The following CCT5 variants were observed in gnomAD, a reference collection of about 807,000 sequenced individuals.
The protein encoded by CCT5 is T-complex protein 1 subunit epsilon.
CCT5 carries 6 observed loss-of-function variants against 55.0 expected under a neutral mutation model. The ratio of observed to expected loss-of-function variants is 0.11; its 90% CI spans 0.06 to 0.22. The LOEUF (loss-of-function observed/expected upper bound fraction) is 0.22. CCT5 is among the 10% of genes least tolerant of loss of function. The probability of loss-of-function intolerance (pLI) is 1.00; values close to 1 mark genes in which losing one functional copy is unlikely to be tolerated. For missense variants in CCT5, 560 were observed against 694.6 expected (o/e 0.81, Z 2.18); for synonymous variants, 231 against 243.7 (o/e 0.95, Z 0.49).
intron 6 of CCT5, among the ~76,000 whole-genome samples, chr5:10,260,530 C>G (rs1745906874): frequency 1.3e-5 from 1 of 79,642 alleles, no homozygotes; most frequent in Admixed American, 1.6e-4. Context: ...CTCACTGTAA[C>G]AATAGGGTTC....
At chr5:10,259,251 T>C (rs1745835245) in intron 6 of CCT5, among the ~76,000 whole-genome samples, 1 of 152,200 alleles carries the variant, frequency 6.6e-6, no homozygotes, top group South Asian at 2.1e-4. Flanking sequence ...TAGGTGTGCT[T>C]TCTCTCTGAC....
At chr5:10,250,591 C>G in intron 1 of CCT5, 146 bp downstream of exon 1, 1 of 1,479,036 alleles carries the variant, frequency 6.8e-7, no homozygotes, top group Admixed American at 2.3e-5. Context: ...TCCGGCCGCT[C>G]AGCCCGCTTA....
chr5:10,262,539 T>C lies in CCT5; in HGVS notation c.1238T>C (p.Ile413Thr), dbSNP rs187490382. The C allele has an allele frequency of 1.9e-6, 3 of 1,614,264 alleles. No individual in the cohort carries two copies. Among genetic ancestry groups the C allele is most frequent in the African/African-American group, 2.7e-5 (2 of 75,080 alleles). ...HDALCVIRNL[I>T]RDNRVVYGGG... is the part of the protein sequence containing the mutation. ...GCTTTGTGTGTCATCCGGAACCTCA[T>C]CCGCGATAATCGTGTGGTGTATGGA... Residue 413 changes from isoleucine (I) to threonine (T), a missense_variant, in exon 9 of 11, where the codon ATC (isoleucine) becomes ACC (threonine). Around this residue, in one of 4 missense-constraint regions of CCT5, gnomAD observed 256 missense variants for 372.4 expected, o/e 0.69. Coordinates refer to ENST00000280326, the MANE Select transcript of CCT5 (RefSeq NM_012073.5).
At chr5:10,254,583 A>T in intron 2 of CCT5, 91 bp from the exon 3 acceptor site, 1 of 1,091,802 alleles carries the variant, frequency 9.2e-7, no homozygotes, top group Non-Finnish European at 1.4e-6. Context: ...TAAATTGCAC[A>T]GATAAGAGCT....
At chr5:10,249,946 T>TCCTA, upstream of CCT5, 2 of 955,400 alleles carry the variant, frequency 2.1e-6, no homozygotes, top group Admixed American at 5.0e-5. Context: ...CGGAAATGGG[T>TCCTA]CCTACCATCT....
intron 6 of CCT5, among the ~76,000 whole-genome samples, chr5:10,259,758 A>G (rs1745863438): frequency 6.6e-6 from 1 of 152,324 alleles, no homozygotes; most frequent in South Asian, 2.1e-4. Context: ...CCGGTGGGAC[A>G]GTTTTCATGA....
At chr5:10,255,084 T>A in intron 3 of CCT5, 1 of 517,660 alleles carries the variant, frequency 1.9e-6, no homozygotes, top group Non-Finnish European at 3.5e-6. Flanking sequence ...CTGATTTTGC[T>A]TGTCTTTTAA....
Position 10,250,459 on chromosome 5 carries a change from G to T in CCT5, c.105+14G>T. ...GAGGCCCTCAAGGTAATGGCACAGG[G>T]ACCTGCTCGCGGTGGGCTAAGGGGA... is the stretch of plus-strand genomic sequence containing the variant. On this transcript the variant is annotated intron_variant, in intron 1 of 10. Coordinates refer to ENST00000280326, the MANE Select transcript of CCT5 (RefSeq NM_012073.5). The T allele has an allele frequency of 6.2e-7, 1 of 1,612,190 alleles. No homozygotes were observed. The highest frequency in any genetic ancestry group is 8.5e-7 in the Non-Finnish European group (1 of 1,179,922).
At chr5:10,257,209 T>C (rs1159073944) in intron 4 of CCT5, among the ~76,000 whole-genome samples, 2 of 152,202 alleles carry the variant, frequency 1.3e-5, no homozygotes, top group Non-Finnish European at 2.9e-5. Flanking sequence ...GAGCAAAGCC[T>C]ATGTTAGAGC....
intron 4 of CCT5, among the ~76,000 whole-genome samples, chr5:10,257,557 A>C (rs1393368858): frequency 6.7e-6 from 1 of 150,116 alleles, no homozygotes; most frequent in Non-Finnish European, 1.5e-5. Flanking sequence ...AAATTAATTT[A>C]TTGAACTGTC....
intron 1 of CCT5, among the ~76,000 whole-genome samples, chr5:10,252,734 A>G (rs1002202439): frequency 7.2e-5 from 11 of 151,988 alleles, no homozygotes; most frequent in African/African-American, 2.7e-4. Flanking sequence ...ATTCTGTTTT[A>G]TCCATAATAT....
chr5:10,262,465 A>T lies in CCT5; in HGVS notation c.1180-16A>T. ...GATCTTGATCACATTAATTCAGGCA[A>T]AGCTGTTTTCCTTAGATCATTGAGG... is the stretch of plus-strand genomic sequence containing the variant. On this transcript the variant is annotated splice_polypyrimidine_tract_variant and intron_variant, in intron 8 of 10. Coordinates refer to ENST00000280326, the MANE Select transcript of CCT5 (RefSeq NM_012073.5). 6.2e-7 allele frequency: 1 copy of T among 1,613,442 alleles called. No individual in the cohort carries two copies. The highest frequency in any genetic ancestry group is 1.1e-5 in the South Asian group (1 of 91,054).
At chr5:10,250,874 T>C (rs981204663) in intron 1 of CCT5, 3 of 1,044,608 alleles carry the variant, frequency 2.9e-6, no homozygotes, top group Admixed American at 5.2e-5. Flanking sequence ...GCCCTTCCGT[T>C]TTCTTTGTCA....
rs79650344 is a variant in CCT5 at position 10,256,595 on chromosome 5, A to G, written c.530+442A>G. On this transcript the variant is annotated intron_variant, in intron 4 of 10. Coordinates refer to ENST00000280326, the MANE Select transcript of CCT5 (RefSeq NM_012073.5). The stretch of plus-strand genomic sequence containing the variant: ...AGGCATGGTAGCACACACTTCAGCA[A>G]CTCCAGAGGCTGAGGTGAGAGGTCG... 3.5e-3 allele frequency among the ~76,000 whole-genome samples: 527 copies of G among 151,348 alleles called. 2 individuals are homozygous for G. The highest frequency in any genetic ancestry group is 0.012 in the African/African-American group (502 of 41,208).
At position 10,262,586 on chromosome 5, in the gene CCT5, T is replaced by A; in HGVS notation, c.1285T>A (p.Cys429Ser). 1 of 1,614,240 alleles carries A rather than the reference T, an allele frequency of 6.2e-7. No homozygotes were observed. Among genetic ancestry groups the A allele is most frequent in the East Asian group, 2.2e-5 (1 of 44,886 alleles). The change falls in exon 9 of 11, where the codon TGT (cysteine) becomes AGT (serine). Residue 429 changes from cysteine (C) to serine (S), a missense_variant. Physicochemically the swap from Cys to Ser is moderately radical, Grantham distance 112. Coordinates refer to ENST00000280326, the MANE Select transcript of CCT5 (RefSeq NM_012073.5). Reference sequence around the variant, plus strand: ...TGGAGGAGGGGCTGCTGAGATATCCTGTGCCCTGGCAGTTAGCCAAGAGGC... The same window carrying A: ...TGGAGGAGGGGCTGCTGAGATATCCAGTGCCCTGGCAGTTAGCCAAGAGGC... ...VYGGGAAEIS[C>S]ALAVSQEADK...
At position 10,266,088 on chromosome 5, in the gene CCT5, T is replaced by A. The variant is rs574276491; in HGVS notation, c.*1305T>A. ...GTGTGCTAATAGCAATCTTCCTAATTTTCATGTTTATATGGAACTATGCAG... is the reference window on the plus strand; with the variant it reads ...GTGTGCTAATAGCAATCTTCCTAATATTCATGTTTATATGGAACTATGCAG... On this transcript the variant is annotated 3_prime_UTR_variant, in exon 11 of 11. Transcript: ENST00000280326. 1.3e-5 allele frequency: 2 copies of A among 152,282 alleles called. No homozygotes were observed. Among genetic ancestry groups the A allele is most frequent in the Non-Finnish European group, 2.9e-5 (2 of 68,022 alleles). The allele number at this position is 152,282 out of a possible 1,614,324, so 9.4% of individuals were successfully genotyped here. A position where few individuals can be genotyped will look rare whatever the true frequency, so the allele number is the denominator to read the frequency against.
chr5:10,253,294 ACTCCAGC>A (rs1745520327), intron 1 of CCT5, among the ~76,000 whole-genome samples: 1 of 150,250 alleles, frequency 6.7e-6, no homozygotes. Context: ...ATGCCACTGC[ACTCCAGC>A]CTTTTTGAGA....
intron 2 of CCT5, 198 bp downstream of exon 2, chr5:10,254,403 T>C: frequency 1.6e-6 from 1 of 610,726 alleles, no homozygotes; most frequent in Non-Finnish European, 2.9e-6. Context: ...TTTTTTTTTT[T>C]TTTTTTAGCA....
Position 10,250,367 on chromosome 5 carries a change from C to G in CCT5, c.27C>G (p.Phe9Leu), listed in dbSNP as rs377019090. 1 of 1,614,126 alleles carries G rather than the reference C, an allele frequency of 6.2e-7. No individual in the cohort carries two copies. The highest frequency in any genetic ancestry group is 8.5e-7 in the Non-Finnish European group (1 of 1,180,036). Residue 9 changes from phenylalanine to leucine, a missense_variant, in exon 1 of 11, where the codon TTC becomes TTG. This residue lies in a region of CCT5 where 137 missense variants were observed against 181.9 expected (regional missense o/e 0.75). Coordinates refer to ENST00000280326, the MANE Select transcript of CCT5 (RefSeq NM_012073.5). MASMGTLA[F>L]DEYGRPFLII... Reference sequence around the variant, plus strand: ...TGGCGTCCATGGGGACCCTCGCCTTCGATGAATATGGGCGCCCTTTCCTCA... The same window carrying G: ...TGGCGTCCATGGGGACCCTCGCCTTGGATGAATATGGGCGCCCTTTCCTCA...
Sources: allele counts gnomAD v4.1 joint callset (sites outside exome capture counted in the v4.1 genomes callset), GRCh38; gene constraint gnomAD v4.1.1; regional missense constraint gnomAD v4.1.1; transcripts MANE v1.5; gene names NCBI Gene and HGNC (gene_info 2026-07-23, HGNC 2026-07-21).